Variants in MYH14 observed in about 807,000 individuals in gnomAD.
MYH14 encodes the protein myosin-14.
MYH14 carries 123 observed loss-of-function variants against 255.5 expected under a neutral mutation model. The observed-to-expected ratio is 0.48, with a 90% confidence interval of 0.42 to 0.56. The LOEUF is 0.56. Among genes scored for constraint, MYH14 ranks in the 20% least tolerant of loss-of-function variants. The probability of loss-of-function intolerance (pLI) is 0.00; values close to 1 mark genes in which losing one functional copy is unlikely to be tolerated. For missense variants in MYH14, 2,423 were observed against 2,802.3 expected, an observed-to-expected ratio of 0.86 and a Z score of 3.06; for synonymous variants, 1,095 against 1,161.2, an observed-to-expected ratio of 0.94 and a Z score of 1.16.
At position 50,308,940 on chromosome 19, in the gene MYH14, G is replaced by C. The variant is rs538346450; in HGVS notation, c.5788-65G>C. On this transcript the variant is annotated intron_variant, in intron 41 of 42. Coordinates refer to ENST00000642316, the MANE Select transcript of MYH14 (RefSeq NM_001145809.2). ...AGTAGGGATGGGGCAGTAGTGGGCT[G>C]TTGGAGAGGGAGGGAGTGATGACAG... 4.0e-5 allele frequency: 59 copies of C among 1,473,172 alleles called. 1 individual carries two copies. The highest frequency in any genetic ancestry group is 5.2e-5 in the Non-Finnish European group (57 of 1,090,454). The allele number at this position is 1,473,172 out of a possible 1,614,324, so 91.3% of individuals were successfully genotyped here. A position where few individuals can be genotyped will look rare whatever the true frequency, so the allele number is the denominator to read the frequency against.
chr19:50,208,141 A>G (rs537122726), intron 1 of MYH14, among the ~76,000 whole-genome samples: 1 of 152,318 alleles, frequency 6.6e-6, no homozygotes, highest in African/African-American at 2.4e-5. Context: ...CTGGCCGGGC[A>G]TGGTGGCTCG....
intron 17 of MYH14, among the ~76,000 whole-genome samples, chr19:50,255,642 G>A (rs1020087583): frequency 3.3e-5 from 5 of 152,098 alleles, no homozygotes; most frequent in Admixed American, 6.6e-5. Flanking sequence ...GGAAACTAAA[G>A]CACAGAGAAG....
intron 7 of MYH14, 26 bp from the exon 8 acceptor site, chr19:50,226,877 A>G: frequency 6.2e-7 from 1 of 1,612,996 alleles, no homozygotes. Context: ...CCTCTGCTGA[A>G]GCCCACCCAC....
At chr19:50,258,315 T>G (rs1273810902) in intron 18 of MYH14, 2 of 152,224 alleles carry the variant, frequency 1.3e-5, no homozygotes, top group East Asian at 1.9e-4. Flanking sequence ...GTCAACGGCC[T>G]GTCAGGGTTT....
chr19:50,258,785 C>A, intron 18 of MYH14: 1 of 198,738 alleles, frequency 5.0e-6, no homozygotes, highest in Non-Finnish European at 1.0e-5. Context: ...ACATGATTTA[C>A]CAGCTTTGGA....
chr19:50,263,283 C>T (rs894762135), intron 21 of MYH14, 29 bp from the exon 22 acceptor site: 1 of 1,456,604 alleles, frequency 6.9e-7, no homozygotes, highest in South Asian at 1.3e-5. Context: ...GAGGCTCCCA[C>T]TCTGCCCCTC....
rs940328861 is a variant in MYH14 at position 50,230,281 on chromosome 19, TC to T, written c.875-243del. Among the ~76,000 whole-genome samples, 1 of 151,846 alleles carries T rather than the reference TC, an allele frequency of 6.6e-6. No homozygotes were observed. Among genetic ancestry groups the T allele is most frequent in the Admixed American group, 6.6e-5 (1 of 15,264 alleles). On this transcript the variant is annotated intron_variant, in intron 8 of 42. Transcript: ENST00000642316. The surrounding 1 kb of genome is among the most constrained non-coding windows in gnomAD (Gnocchi z 4.7). ...AAAGAGAGAGAGAGAGAGAGGAAGG[TC>T]TCCTAAAGGTGTTATTTTCAAGCCC...
At chr19:50,236,215 C>G (rs2033649739) in intron 10 of MYH14, among the ~76,000 whole-genome samples, 3 of 151,970 alleles carry the variant, frequency 2.0e-5, no homozygotes, top group South Asian at 4.2e-4. Flanking sequence ...CGCCTTTACT[C>G]CCAGCTATTT....
intron 33 of MYH14, among the ~76,000 whole-genome samples, chr19:50,282,634 C>T (rs1203541297): frequency 6.6e-6 from 1 of 151,910 alleles, no homozygotes; most frequent in Admixed American, 6.6e-5. Flanking sequence ...ACTGGAAAGG[C>T]GGAGGTTGCA....
intron 33 of MYH14, among the ~76,000 whole-genome samples, chr19:50,282,454 C>T (rs2035755257): frequency 6.6e-6 from 1 of 152,198 alleles, no homozygotes; most frequent in African/African-American, 2.4e-5. Context: ...GTAATCCCAG[C>T]ACTTTGGGAG....
At chr19:50,296,833 A>G (rs1441740825) in intron 39 of MYH14, among the ~76,000 whole-genome samples, 3 of 152,100 alleles carry the variant, frequency 2.0e-5, no homozygotes, top group Non-Finnish European at 2.9e-5. Context: ...AATAATTGCA[A>G]CTGATTTAAT....
chr19:50,309,207 G>T, intron 42 of MYH14, 30 bp downstream of exon 42: 2 of 1,608,820 alleles, frequency 1.2e-6, no homozygotes, highest in African/African-American at 2.7e-5. Flanking sequence ...AGGCCTGACG[G>T]GTGGGGAGCA....
chr19:50,204,900 CT>C (rs78642872), intron 1 of MYH14, among the ~76,000 whole-genome samples: 2,794 of 144,594 alleles, frequency 0.019, 28 homozygotes, highest in Middle Eastern at 0.036. Context: ...GTCTCTCCCT[CT>C]TTTTTTTTTT....
At position 50,225,634 on chromosome 19, in the gene MYH14, T is replaced by G; in HGVS notation, c.767T>G (p.Phe256Cys). 6.2e-7 allele frequency: 1 copy of G among 1,613,914 alleles called. No individual in the cohort carries two copies. Among genetic ancestry groups the G allele is most frequent in the Non-Finnish European group, 8.5e-7 (1 of 1,179,958 alleles). The part of the protein sequence containing the change: ...LLQANPILEA[F>C]GNAKTVKNDN... ...CAGGCCAACCCCATCCTAGAGGCCT[T>G]TGGCAATGCCAAGACAGTGAAGAAT... The change falls in exon 7 of 43, where the codon TTT (phenylalanine) becomes TGT (cysteine). Residue 256 changes from phenylalanine (F) to cysteine (C), a missense_variant. By Grantham distance (205) the Phe-to-Cys change is radical. This residue lies in a region of MYH14 where 672 missense variants were observed against 881.8 expected (regional missense o/e 0.76). Coordinates refer to ENST00000642316, the MANE Select transcript of MYH14 (RefSeq NM_001145809.2).
chr19:50,269,077 G>A (rs1248446816), intron 24 of MYH14, among the ~76,000 whole-genome samples: 2 of 152,084 alleles, frequency 1.3e-5, no homozygotes, highest in Non-Finnish European at 2.9e-5. Flanking sequence ...TCAGTGATTG[G>A]GTGTCTGGTT....
In MYH14 at chr19:50,271,441, T is replaced by C. The variant is rs1384527312; in HGVS notation, c.3066T>C (p.Gly1022=). The C allele has an allele frequency of 6.2e-7, 1 of 1,604,944 alleles. No individual in the cohort carries two copies. Among genetic ancestry groups the C allele is most frequent in the African/African-American group, 1.3e-5 (1 of 74,586 alleles). Residue 1022 remains glycine (G), a synonymous_variant, in exon 25 of 43, where the codon GGT becomes GGC. Transcript: ENST00000642316. ...ELEAHLEAEE[G]ARQKLQLEKV... ...AGGCCCACCTTGAGGCTGAGGAGGG[T>C]GCGCGGCAGAAGCTGCAGCTGGAGA...
At chr19:50,246,554 G>A (rs982636954) in intron 11 of MYH14, among the ~76,000 whole-genome samples, 2 of 152,120 alleles carry the variant, frequency 1.3e-5, no homozygotes, top group Non-Finnish European at 2.9e-5. Context: ...CCAGGGAGGC[G>A]GAGGTTGTAG....
chr19:50,273,533 G>A (rs1241936180), intron 27 of MYH14, among the ~76,000 whole-genome samples: 1 of 151,814 alleles, frequency 6.6e-6, no homozygotes, highest in Non-Finnish European at 1.5e-5. Context: ...TTGATTACAA[G>A]TACAGCTCCA....
chr19:50,259,160 C>CG lies in MYH14; in HGVS notation c.2249_2250insG (p.Arg751ThrfsTer56). 6.4e-7 allele frequency: 1 copy of CG among 1,557,124 alleles called. No individual in the cohort carries two copies. Among genetic ancestry groups the CG allele is most frequent in the Non-Finnish European group, 8.7e-7 (1 of 1,150,038 alleles). The stretch of plus-strand genomic sequence containing the variant: ...TCTCCCCAGGCCGGGAAGCTGGAGC[C>CG]ACGGCTGGTGCTGGACCAGCTTCGC... On this transcript the variant is annotated frameshift_variant, in exon 19 of 43. Transcript: ENST00000642316. LOFTEE classifies it high-confidence loss of function.
Sources: allele counts gnomAD v4.1 joint callset (sites outside exome capture counted in the v4.1 genomes callset), GRCh38; gene constraint gnomAD v4.1.1; regional missense constraint gnomAD v4.1.1; non-coding constraint Gnocchi (gnomAD v3.1); transcripts MANE v1.5; gene names NCBI Gene and HGNC (gene_info 2026-07-23, HGNC 2026-07-21).